ABCC12: variants seen among roughly 807,000 people sequenced by gnomAD.
The protein encoded by ABCC12 is ATP binding cassette subfamily C member 12.
In ABCC12, 142 loss-of-function variants were observed where a neutral mutation model predicts 151.1. The ratio of observed to expected loss-of-function variants is 0.94; its 90% CI spans 0.82 to 1.08. The LOEUF (loss-of-function observed/expected upper bound fraction) is 1.08. Among genes scored for constraint, ABCC12 ranks in the 50% least tolerant of loss-of-function variants. ABCC12 has a pLI of 0.00. For synonymous variants in ABCC12, 645 were observed against 646.4 expected, an observed-to-expected ratio of 1.00 and a Z score of 0.03; for missense variants, 1,638 against 1,691.1, an observed-to-expected ratio of 0.97 and a Z score of 0.55.
chr16:48,144,188 C>T (rs1964923419), intron 3 of ABCC12, 123 bp from the exon 4 acceptor site: 1 of 1,235,926 alleles, frequency 8.1e-7, no homozygotes, highest in African/African-American at 1.5e-5. Context: ...GACTTGCATT[C>T]ATTATGTTTA....
At position 48,128,671 on chromosome 16, in the gene ABCC12, G is replaced by C. The variant is rs1204405499; in HGVS notation, c.1303C>G (p.Leu435Val). 1 of 1,614,048 alleles carries C rather than the reference G, an allele frequency of 6.2e-7. No individual in the cohort carries two copies. The highest frequency in any genetic ancestry group is 1.3e-5 in the African/African-American group (1 of 74,932). The change falls in exon 11 of 31, where the codon CTT (leucine) becomes GTT (valine). Residue 435 changes from leucine to valine, a missense_variant. By Grantham distance (32) the Leu-to-Val change is conservative. Coordinates refer to ENST00000311303, the MANE Select transcript of ABCC12 (RefSeq NM_001393797.1). ...CATGTCAAGGTGGCATTTGCTAAAA[G>C]CAAGACAGTATCTGGGTCTTCTGGT... ...TQPEDPDTVL[L>V]LANATLTWEH...
intron 21 of ABCC12, among the ~76,000 whole-genome samples, 191 bp from the exon 22 acceptor site, chr16:48,104,559 G>A (rs1205643569): frequency 1.3e-5 from 2 of 152,202 alleles, no homozygotes; most frequent in Non-Finnish European, 2.9e-5. Context: ...TGTGAATGTG[G>A]GGATTCAGTC....
In ABCC12 at chr16:48,083,930, G is replaced by GA. The variant is rs761090320; in HGVS notation, c.3971dup (p.Leu1325ProfsTer10). On this transcript the variant is annotated frameshift_variant, in exon 30 of 31. Coordinates refer to ENST00000311303, the MANE Select transcript of ABCC12 (RefSeq NM_001393797.1). LOFTEE classifies it high-confidence loss of function. The stretch of plus-strand genomic sequence containing the variant: ...ATACCTTCCCATTTTCCATAACCAG[G>GA]ACGTGATCGCAGTTGAGAACTGTGT... 11 of 1,612,484 alleles carry GA rather than the reference G, an allele frequency of 6.8e-6. No individual in the cohort carries two copies. Among genetic ancestry groups the GA allele is most frequent in the Non-Finnish European group, 7.6e-6 (9 of 1,179,626 alleles).
chr16:48,104,594 C>T (rs544998443), intron 21 of ABCC12, among the ~76,000 whole-genome samples: 1 of 152,228 alleles, frequency 6.6e-6, no homozygotes, highest in South Asian at 2.1e-4. Context: ...CCGAGAGACC[C>T]CCTATAGGTC....
intron 13 of ABCC12, among the ~76,000 whole-genome samples, chr16:48,118,906 G>A (rs1395815462): frequency 6.6e-6 from 1 of 152,240 alleles, no homozygotes; most frequent in East Asian, 1.9e-4. Flanking sequence ...TCATTGGGTT[G>A]TTGTGAGAAT....
intron 9 of ABCC12, 26 bp from the exon 10 acceptor site, chr16:48,130,921 G>A: frequency 1.3e-6 from 2 of 1,543,636 alleles, no homozygotes; most frequent in Non-Finnish European, 1.8e-6. Context: ...GAAGTATGAG[G>A]GTTTAGAAGG....
At position 48,105,345 on chromosome 16, in the gene ABCC12, A is replaced by G; in HGVS notation, c.2476-9T>C. 2 of 1,597,860 alleles carry G rather than the reference A, an allele frequency of 1.3e-6. No homozygotes were observed. The highest frequency in any genetic ancestry group is 1.1e-5 in the South Asian group (1 of 89,468). On this transcript the variant is annotated splice_polypyrimidine_tract_variant and intron_variant, in intron 20 of 30. Transcript: ENST00000311303. ...TGGGGCCCACAGGTCATCTTTGGAG[A>G]AAAACAAGAGAAGCACCAAGAATTG...
intron 5 of ABCC12, 135 bp from the exon 6 acceptor site, chr16:48,141,055 G>C: frequency 7.2e-7 from 1 of 1,390,724 alleles, no homozygotes; most frequent in Non-Finnish European, 9.7e-7. Flanking sequence ...TGCTGTGCTT[G>C]ACAAGGATTC....
intron 22 of ABCC12, among the ~76,000 whole-genome samples, chr16:48,102,755 A>G (rs1963351570): frequency 6.6e-6 from 1 of 152,090 alleles, no homozygotes; most frequent in Non-Finnish European, 1.5e-5. Context: ...TCCGAAACTA[A>G]ACTCGTATTC....
intron 10 of ABCC12, among the ~76,000 whole-genome samples, chr16:48,129,595 G>A (rs1413719275): frequency 6.6e-6 from 1 of 152,132 alleles, no homozygotes; most frequent in Admixed American, 6.5e-5. Context: ...GGGGACAAGG[G>A]TTCAAGGATT....
rs1464549830 is a variant in ABCC12 at position 48,081,874 on chromosome 16, GT to G, written c.*1840del. On this transcript the variant is annotated 3_prime_UTR_variant, in exon 31 of 31. Transcript: ENST00000311303. ...AGACTGATTATCTGGCTGGTGTCCA[GT>G]TGGTAGAAAGTAAAGCATCCCTCCC... 6.6e-6 allele frequency among the ~76,000 whole-genome samples: 1 copy of G among 152,176 alleles called. No individual in the cohort carries two copies. Among genetic ancestry groups the G allele is most frequent in the Non-Finnish European group, 1.5e-5 (1 of 68,014 alleles).
intron 8 of ABCC12, 51 bp from the exon 9 acceptor site, chr16:48,133,886 T>C: frequency 3.7e-6 from 6 of 1,604,400 alleles, no homozygotes; most frequent in Non-Finnish European, 5.1e-6. Flanking sequence ...TGTCGAACAC[T>C]AGCATTATGA....
chr16:48,100,808 C>T, intron 23 of ABCC12, 64 bp downstream of exon 23: 1 of 1,563,612 alleles, frequency 6.4e-7, no homozygotes, highest in South Asian at 1.2e-5. Context: ...TCCTCCTGTG[C>T]ACTCCCCATC....
chr16:48,086,929 T>C lies in ABCC12; in HGVS notation c.3636-110A>G, dbSNP rs1962636937. The C allele has an allele frequency of 1.6e-5, 14 of 887,874 alleles. No individual in the cohort carries two copies. In the Middle Eastern group the frequency reaches 1.1e-3, roughly 70 times the overall value. The allele number at this position is 887,874 out of a possible 1,614,324, so 55.0% of individuals were successfully genotyped here. ...GAGGAGGGTAGGAGGTGGCATGTGA[T>C]GACCTCGTGCTCCAAGAATAGTGCT... On this transcript the variant is annotated intron_variant, in intron 27 of 30. Coordinates refer to ENST00000311303, the MANE Select transcript of ABCC12 (RefSeq NM_001393797.1).
intron 9 of ABCC12, among the ~76,000 whole-genome samples, chr16:48,131,242 C>T (rs1405030852): frequency 1.3e-5 from 2 of 152,212 alleles, no homozygotes; most frequent in African/African-American, 4.8e-5. Context: ...ACTATTCACT[C>T]GAAGCCCATG....
chr16:48,155,129 G>C (rs556828184), intron 1 of ABCC12, among the ~76,000 whole-genome samples: 36 of 152,316 alleles, frequency 2.4e-4, no homozygotes, highest in Admixed American at 7.8e-4. Flanking sequence ...GAGAGGCAGA[G>C]AGGTGGCAGA....
chr16:48,139,056 AT>A, intron 7 of ABCC12, 106 bp downstream of exon 7: 1 of 1,276,650 alleles, frequency 7.8e-7, no homozygotes, highest in Non-Finnish European at 1.1e-6. Context: ...TGAGTACAAA[AT>A]GGGGCACAGG....
chr16:48,119,676 G>A (rs908805067), intron 13 of ABCC12, among the ~76,000 whole-genome samples: 3 of 152,206 alleles, frequency 2.0e-5, no homozygotes, highest in African/African-American at 7.2e-5. Flanking sequence ...AGCCAGCAGG[G>A]ACAGAGTTGG....
At chr16:48,148,126 T>G (rs1454365766) in intron 2 of ABCC12, among the ~76,000 whole-genome samples, 1 of 152,084 alleles carries the variant, frequency 6.6e-6, no homozygotes, top group East Asian at 1.9e-4. Flanking sequence ...TTTTGTATTT[T>G]TAGTAGAGAC....
Sources: allele counts gnomAD v4.1 joint callset (sites outside exome capture counted in the v4.1 genomes callset), GRCh38; gene constraint gnomAD v4.1.1; transcripts MANE v1.5; gene names NCBI Gene and HGNC (gene_info 2026-07-23, HGNC 2026-07-21).